Variants in GAA observed in about 807,000 individuals in gnomAD.
The protein encoded by GAA is lysosomal alpha-glucosidase.
In GAA, 88 loss-of-function variants were observed where a neutral mutation model predicts 103.9. The observed-to-expected ratio is 0.85, with a 90% CI of 0.71 to 1.01. The LOEUF is 1.01. Ranked by LOEUF, GAA falls within the 50% of genes least tolerant of loss-of-function variation. The probability of loss-of-function intolerance (pLI) is 0.00; values close to 1 mark genes in which losing one functional copy is unlikely to be tolerated. For synonymous variants in GAA, 572 were observed against 563.1 expected (o/e 1.02, Z -0.22); for missense variants, 1,350 against 1,305.3 (o/e 1.03, Z -0.53).
At chr17:80,110,162 A>C in intron 9 of GAA, 107 bp downstream of exon 9, 1 of 869,036 alleles carries the variant, frequency 1.2e-6, no homozygotes, top group Non-Finnish European at 1.9e-6. Flanking sequence ...CATCACGCCC[A>C]GTGGGACAGC....
intron 2 of GAA, 38 bp from the exon 3 acceptor site, chr17:80,105,711 G>T (rs2039066369): frequency 1.9e-6 from 3 of 1,609,288 alleles, no homozygotes; most frequent in Non-Finnish European, 1.7e-6. Flanking sequence ...AGAGTAAGGT[G>T]GCTGTGGGGA....
chr17:80,108,576 TG>T lies in GAA; in HGVS notation c.1165del (p.Glu389ArgfsTer3), dbSNP rs1555600111. On this transcript the variant is annotated frameshift_variant, in exon 7 of 20. Transcript: ENST00000302262. LOFTEE classifies it high-confidence loss of function. ...TCCACCGCTATCACCCGCCAGGTGG[TG>T]GAGAACATGACCAGGGCCCACTTCC... ...YSSTAITRQV[V>X]ENMTRAHFPL... The T allele has an allele frequency of 6.2e-7, 1 of 1,612,650 alleles. No individual in the cohort carries two copies. Among genetic ancestry groups the T allele is most frequent in the Non-Finnish European group, 8.5e-7 (1 of 1,179,840 alleles).
In GAA at chr17:80,110,024, C is replaced by T. The variant is rs768500880; in HGVS notation, c.1406C>T (p.Thr469Ile). The T allele has an allele frequency of 3.1e-6, 5 of 1,613,164 alleles. No individual in the cohort carries two copies. In the Admixed American group the frequency reaches 8.3e-5, roughly 27 times the overall value. Residue 469 changes from threonine (T) to isoleucine (I), a missense_variant, in exon 9 of 20, where the codon ACC becomes ATC. By Grantham distance (89) the Thr-to-Ile change is moderately conservative. Transcript: ENST00000302262. ...DEGLRRGVFI[T>I]NETGQPLIGK... ...GGTCTGCGGAGGGGGGTTTTCATCA[C>T]CAACGAGACCGGCCAGCCGCTGATT...
At chr17:80,103,940 A>G (rs1341904297) in intron 1 of GAA, among the ~76,000 whole-genome samples, 2 of 152,168 alleles carry the variant, frequency 1.3e-5, no homozygotes, top group Non-Finnish European at 2.9e-5. Flanking sequence ...ACTTCCGCTG[A>G]CACCCAGTGG....
At chr17:80,118,570 C>CT (rs1481019409) in intron 18 of GAA, 83 bp from the exon 19 acceptor site, 1 of 1,523,478 alleles carries the variant, frequency 6.6e-7, no homozygotes, top group East Asian at 2.2e-5. Flanking sequence ...TCATGAGTCC[C>CT]TGTTCTCATG....
rs991243493 is a variant in GAA, at chr17:80,104,186, T to C, written c.-32-369T>C. Reference sequence around the variant, plus strand: ...GGCTGAAGTGGGAGGATTGCTTGAGTCTGGGAGGTGGAGGTTGCAGTGAGC... The same window carrying C: ...GGCTGAAGTGGGAGGATTGCTTGAGCCTGGGAGGTGGAGGTTGCAGTGAGC... On this transcript the variant is annotated intron_variant, in intron 1 of 19. Coordinates refer to ENST00000302262, the MANE Select transcript of GAA (RefSeq NM_000152.5). This position sits in a 1 kb window ranked among gnomAD's most constrained non-coding sequence, Gnocchi z 4.0. Among the ~76,000 whole-genome samples the C allele has an allele frequency of 1.3e-5, 2 of 152,028 alleles. 1 individual carries two copies. Among genetic ancestry groups the C allele is most frequent in the Non-Finnish European group, 2.9e-5 (2 of 67,972 alleles).
intron 11 of GAA, 44 bp downstream of exon 11, chr17:80,111,069 A>T: frequency 6.3e-7 from 1 of 1,578,306 alleles, no homozygotes; most frequent in Non-Finnish European, 8.7e-7. Flanking sequence ...ATCAAATCAG[A>T]GACTCCCTTG....
rs746340075 is a variant in GAA, at chr17:80,108,732, C to A, written c.1230C>A (p.Ser410=). 9 of 1,612,334 alleles carry A rather than the reference C, an allele frequency of 5.6e-6. No homozygotes were observed. The East Asian group carries it at 2.0e-4, about 36-fold the overall frequency. Residue 410 remains serine (S), a synonymous_variant, in exon 8 of 20, where the codon TCC becomes TCA. Coordinates refer to ENST00000302262, the MANE Select transcript of GAA (RefSeq NM_000152.5). ...GGAACGACCTGGACTACATGGACTC[C>A]CGGAGGGACTTCACGTTCAACAAGG... The part of the protein sequence containing the change: ...VQWNDLDYMD[S]RRDFTFNKDG...
rs1477774826 is a variant in GAA, at chr17:80,105,881, G to T, written c.679G>T (p.Asp227Tyr). The T allele has an allele frequency of 1.3e-6, 2 of 1,597,790 alleles. No individual in the cohort carries two copies. The highest frequency in any genetic ancestry group is 1.7e-6 in the Non-Finnish European group (2 of 1,175,456). ...PFGVIVRRQL[D>Y]GRVLLNTTVA... ...CGGGGTGATCGTGCGCCGGCAGCTG[G>T]ACGGCCGCGTGCTGTGAGTTCTGGG... Residue 227 changes from aspartate (D) to tyrosine (Y), a missense_variant, in exon 3 of 20, where the codon GAC becomes TAC. Asp to Tyr is a radical substitution (Grantham distance 160). Transcript: ENST00000302262.
chr17:80,116,155 A>C (rs1458256757), intron 15 of GAA, among the ~76,000 whole-genome samples: 1 of 152,256 alleles, frequency 6.6e-6, no homozygotes, highest in Non-Finnish European at 1.5e-5. Flanking sequence ...ATTTTGAAGC[A>C]GAAAGACACC....
chr17:80,105,796 G>T lies in GAA; in HGVS notation c.594G>T (p.Pro198=), dbSNP rs1426823689. The T allele has an allele frequency of 5.0e-6, 8 of 1,612,068 alleles. No individual in the cohort carries two copies. The highest frequency in any genetic ancestry group is 4.0e-5 in the African/African-American group (3 of 75,040). ...NRRYEVPLET[P]HVHSRAPSPL... is the part of the protein sequence containing the mutation. ...GCTACGAGGTGCCCTTGGAGACCCC[G>T]CATGTCCACAGCCGGGCACCGTCCC... Residue 198 remains proline, a synonymous_variant, in exon 3 of 20, where the codon CCG becomes CCT. Coordinates refer to ENST00000302262, the MANE Select transcript of GAA (RefSeq NM_000152.5).
In GAA at chr17:80,105,110, CT is replaced by C. The variant is rs386834235; in HGVS notation, c.525del (p.Glu176ArgfsTer45). On this transcript the variant is annotated frameshift_variant, in exon 2 of 20. Transcript: ENST00000302262. LOFTEE classifies it high-confidence loss of function. Reference sequence around the variant, plus strand: ...CTGCGGCTGGACGTGATGATGGAGACTGAGAACCGCCTCCACTTCACGGTGG... The same window carrying C: ...CTGCGGCTGGACGTGATGATGGAGACGAGAACCGCCTCCACTTCACGGTGG... Reference protein sequence around the residue: ...LTLRLDVMMETENRLHFTIKD... With the variant: ...LTLRLDVMMEXENRLHFTIKD... 277 of 1,609,006 alleles carry C rather than the reference CT, an allele frequency of 1.7e-4. No individual in the cohort carries two copies. Among genetic ancestry groups the C allele is most frequent in the Non-Finnish European group, 2.3e-4 (268 of 1,178,864 alleles).
chr17:80,105,886 CCG>C lies in GAA; in HGVS notation c.687_688del (p.Val230AlafsTer99), dbSNP rs1414049074. The C allele has an allele frequency of 6.3e-7, 1 of 1,595,728 alleles. No homozygotes were observed. The highest frequency in any genetic ancestry group is 8.5e-7 in the Non-Finnish European group (1 of 1,174,418). The part of the protein sequence containing the change: ...GVIVRRQLDG[R>X]VLLNTTVAPL... The stretch of plus-strand genomic sequence containing the variant: ...TGATCGTGCGCCGGCAGCTGGACGG[CCG>C]CGTGCTGTGAGTTCTGGGCTCTGTG... On this transcript the variant is annotated frameshift_variant, in exon 3 of 20. Transcript: ENST00000302262. LOFTEE classifies it high-confidence loss of function.
chr17:80,105,552 ACCTCCATCCTGGGGGAGGCGT>A (rs2039062612), intron 2 of GAA, among the ~76,000 whole-genome samples, 176 bp from the exon 3 acceptor site: 1 of 152,118 alleles, frequency 6.6e-6, no homozygotes. Context: ...TCTGTATTTT[ACCTCCATCCTGGGGGAGGCGT>A]CCTCCTCCTG....
chr17:80,110,785 G>A lies in GAA; in HGVS notation c.1496G>A (p.Trp499Ter), dbSNP rs766680292. ...DFTNPTALAW[W>*]EDMVAEFHDQ... ...ACCAACCCCACAGCCCTGGCCTGGT[G>A]GGAGGACATGGTGGCTGAGTTCCAT... The change falls in exon 10 of 20, where the codon TGG becomes TAG. Residue 499 changes from tryptophan (W) to a stop codon, truncating the protein, a stop_gained. Coordinates refer to ENST00000302262, the MANE Select transcript of GAA (RefSeq NM_000152.5). LOFTEE classifies it high-confidence loss of function. 6.2e-7 allele frequency: 1 copy of A among 1,614,120 alleles called. No homozygotes were observed. Among genetic ancestry groups the A allele is most frequent in the Admixed American group, 1.7e-5 (1 of 60,030 alleles).
intron 12 of GAA, 80 bp downstream of exon 12, chr17:80,112,180 GA>G: frequency 7.0e-7 from 1 of 1,426,260 alleles, no homozygotes. Flanking sequence ...GGGCCTCAGG[GA>G]GGAGGAAAAG....
chr17:80,112,815 A>T, intron 13 of GAA, 61 bp from the exon 14 acceptor site: 2 of 1,583,710 alleles, frequency 1.3e-6, no homozygotes, highest in Non-Finnish European at 8.6e-7. Context: ...GCTCTGGGTC[A>T]CTTGGCCTGA....
Position 80,108,652 on chromosome 17 carries a change from G to A in GAA, c.1194+45G>A, listed in dbSNP as rs369080138. The stretch of plus-strand genomic sequence containing the variant: ...GGGGAGGCAAGGGGCTGGCCGGGAC[G>A]CGTCTCCTCAGGCCCCAGCAGACGG... On this transcript the variant is annotated intron_variant, in intron 7 of 19. Coordinates refer to ENST00000302262, the MANE Select transcript of GAA (RefSeq NM_000152.5). 321 of 1,612,528 alleles carry A rather than the reference G, an allele frequency of 2.0e-4. 1 individual carries two copies. Among genetic ancestry groups the A allele is most frequent in the Admixed American group, 1.2e-3 (71 of 59,996 alleles).
chr17:80,112,996 T>C lies in GAA; in HGVS notation c.2009T>C (p.Phe670Ser). 6.2e-7 allele frequency: 1 copy of C among 1,611,142 alleles called. No homozygotes were observed. ...ACCCAGCTGGGGGCCTTCTACCCCT[T>C]CATGCGGAACCACAACAGCCTGCTC... is the stretch of plus-strand genomic sequence containing the variant. ...RWTQLGAFYP[F>S]MRNHNSLLSL... Residue 670 changes from phenylalanine (F) to serine (S), a missense_variant, in exon 14 of 20, where the codon TTC becomes TCC. By Grantham distance (155) the Phe-to-Ser change is radical. Coordinates refer to ENST00000302262, the MANE Select transcript of GAA (RefSeq NM_000152.5).
Sources: gnomAD v4.1 joint callset for allele counts (sites outside exome capture counted in the v4.1 genomes callset) on GRCh38, gnomAD v4.1.1 for gene constraint, Gnocchi (gnomAD v3.1) non-coding constraint, MANE v1.5 for transcripts, NCBI Gene and HGNC (gene_info 2026-07-23, HGNC 2026-07-21) for gene names.